Variants in RASA2 observed in about 807,000 individuals in gnomAD.
The protein encoded by RASA2 is ras GTPase-activating protein 2.
Under a neutral mutation model 118.2 loss-of-function variants are expected in RASA2, and 155 were observed. That is an observed-to-expected ratio of 1.31 (90% CI 1.15 to 1.50). The LOEUF (loss-of-function observed/expected upper bound fraction) is 1.50, where lower values mean the gene tolerates loss of function less well. Among genes scored for constraint, RASA2 ranks in the 40% most tolerant of loss-of-function variants. The pLI, the probability that RASA2 is intolerant of heterozygous loss-of-function variation, is 0.00. For synonymous variants in RASA2, 353 were observed against 349.1 expected (o/e 1.01, Z -0.12); for missense variants, 1,016 against 1,009.6 (o/e 1.01, Z -0.09).
chr3:141,568,341 A>G (rs1292888108), intron 9 of RASA2, among the ~76,000 whole-genome samples: 1 of 152,132 alleles, frequency 6.6e-6, no homozygotes, highest in African/African-American at 2.4e-5. Flanking sequence ...GAACTCATTT[A>G]TAAATGTGTA....
chr3:141,593,003 C>A (rs1392849426), intron 19 of RASA2, among the ~76,000 whole-genome samples: 1 of 151,980 alleles, frequency 6.6e-6, no homozygotes, highest in East Asian at 1.9e-4. Flanking sequence ...ATATATATAG[C>A]AATTCTCTGA....
At chr3:141,567,221 G>A (rs1213375855) in intron 9 of RASA2, among the ~76,000 whole-genome samples, 1 of 151,966 alleles carries the variant, frequency 6.6e-6, no homozygotes, top group African/African-American at 2.4e-5. Context: ...TTCAAGACCA[G>A]CCTGGCCAAC....
At chr3:141,536,858 C>T (rs1560016135) in intron 4 of RASA2, among the ~76,000 whole-genome samples, 1 of 151,632 alleles carries the variant, frequency 6.6e-6, no homozygotes, top group East Asian at 1.9e-4. Context: ...AGTGATTCTC[C>T]TGCCTCAGCC....
chr3:141,512,079 T>G, intron 1 of RASA2, 84 bp from the exon 2 acceptor site: 1 of 880,078 alleles, frequency 1.1e-6, no homozygotes, highest in Middle Eastern at 2.2e-4. Context: ...TAATATGTTC[T>G]TTCAGATTGA....
intron 19 of RASA2, among the ~76,000 whole-genome samples, chr3:141,590,556 C>T (rs2083272553): frequency 1.3e-5 from 2 of 152,206 alleles, no homozygotes; most frequent in Non-Finnish European, 2.9e-5. Flanking sequence ...AATACCTGGG[C>T]TTTGCATTCT....
chr3:141,567,890 G>A (rs140527863), intron 9 of RASA2, among the ~76,000 whole-genome samples: 2 of 152,272 alleles, frequency 1.3e-5, no homozygotes, highest in East Asian at 1.9e-4. Flanking sequence ...GAGAAGAATG[G>A]CAAAGAAAAT....
chr3:141,580,555 TACACACACAC>T (rs10663136), intron 16 of RASA2, 104 bp downstream of exon 16: 8 of 581,358 alleles, frequency 1.4e-5, no homozygotes, highest in South Asian at 2.5e-5. Flanking sequence ...AAACAAAACA[TACACACACAC>T]ACACACACAC....
chr3:141,549,688 T>TA (rs887634076), intron 5 of RASA2, among the ~76,000 whole-genome samples: 1 of 152,148 alleles, frequency 6.6e-6, no homozygotes, highest in Non-Finnish European at 1.5e-5. Flanking sequence ...TAATTAAATG[T>TA]AAAAAACCAC....
At chr3:141,600,477 G>A (rs1451768856) in intron 19 of RASA2, 4 of 332,858 alleles carry the variant, frequency 1.2e-5, no homozygotes, top group South Asian at 5.1e-5. Context: ...TAGACAGCTC[G>A]GCGACCTACT....
Position 141,487,207 on chromosome 3 carries a change from G to A in RASA2, c.124G>A (p.Gly42Ser). 2.1e-6 allele frequency: 3 copies of A among 1,436,736 alleles called. No homozygotes were observed. Among genetic ancestry groups the A allele is most frequent in the Non-Finnish European group, 2.8e-6 (3 of 1,083,106 alleles). 89.0% of individuals were successfully genotyped at this position (1,436,736 alleles called of 1,614,324 possible). A position where few individuals can be genotyped will look rare whatever the true frequency, so the allele number is the denominator to read the frequency against. The change falls in exon 1 of 24, where the codon GGC becomes AGC. Residue 42 changes from glycine to serine, a missense_variant. This residue lies in a region of RASA2 where 896 missense variants were observed against 836.4 expected (regional missense o/e 1.07). Coordinates refer to ENST00000286364, the MANE Select transcript of RASA2 (RefSeq NM_006506.5). ...REVRVLQSLR[G>S]KICEAKNLLP... Reference sequence around the variant, plus strand: ...GGTTCGAGTGTTGCAGAGCCTGCGGGGCAAGATCTGTAAGCGGGGGCTGGG... The same window carrying A: ...GGTTCGAGTGTTGCAGAGCCTGCGGAGCAAGATCTGTAAGCGGGGGCTGGG...
At chr3:141,533,273 C>T (rs1398092531) in intron 4 of RASA2, among the ~76,000 whole-genome samples, 1 of 152,092 alleles carries the variant, frequency 6.6e-6, no homozygotes, top group Non-Finnish European at 1.5e-5. Flanking sequence ...GTAAGGCAGT[C>T]CACTTTAGGG....
At position 141,560,925 on chromosome 3, in the gene RASA2, A is replaced by G. The variant is rs556181768; in HGVS notation, c.863+930A>G. Among the ~76,000 whole-genome samples, 22 of 152,262 alleles carry G rather than the reference A, an allele frequency of 1.4e-4. No homozygotes were observed. The South Asian group carries it at 3.7e-3, about 26-fold the overall frequency. On this transcript the variant is annotated intron_variant, in intron 9 of 23. Coordinates refer to ENST00000286364, the MANE Select transcript of RASA2 (RefSeq NM_006506.5). ...ATTGGCCATCAGACATCTTCATTTTAGAGTCTTGTCCTAGAGCAGTTATCA... is the reference window on the plus strand; with the variant it reads ...ATTGGCCATCAGACATCTTCATTTTGGAGTCTTGTCCTAGAGCAGTTATCA...
chr3:141,591,896 G>A (rs1441727459), intron 19 of RASA2, among the ~76,000 whole-genome samples: 1 of 148,650 alleles, frequency 6.7e-6, no homozygotes, highest in Non-Finnish European at 1.5e-5. Context: ...TTTTTTTTCT[G>A]ATAGCTAAAG....
In RASA2 at chr3:141,558,935, A is replaced by G; in HGVS notation, c.734A>G (p.Glu245Gly). The change falls in exon 8 of 24, where the codon GAG becomes GGG. Residue 245 changes from glutamate (E) to glycine (G), a missense_variant. By Grantham distance (98) the Glu-to-Gly change is moderately conservative. Transcript: ENST00000286364. Reference protein sequence around the residue: ...YTRKSQFQVEEEDIEKLEIRI... With the variant: ...YTRKSQFQVEGEDIEKLEIRI... Reference sequence around the variant, plus strand: ...AGAAAGTCCCAGTTCCAGGTAGAAGAGGAGGACATTGAAAAGCTAGAAATC... The same window carrying G: ...AGAAAGTCCCAGTTCCAGGTAGAAGGGGAGGACATTGAAAAGCTAGAAATC... The G allele has an allele frequency of 6.2e-7, 1 of 1,607,124 alleles. No individual in the cohort carries two copies. The highest frequency in any genetic ancestry group is 8.5e-7 in the Non-Finnish European group (1 of 1,174,300).
At chr3:141,607,577 A>C in intron 19 of RASA2, 101 bp from the exon 20 acceptor site, 17 of 1,208,480 alleles carry the variant, frequency 1.4e-5, no homozygotes, top group Non-Finnish European at 1.8e-5. Flanking sequence ...TTACACTCCT[A>C]CCATCAAGAG....
At chr3:141,596,775 A>G (rs2083379998) in intron 19 of RASA2, among the ~76,000 whole-genome samples, 1 of 152,246 alleles carries the variant, frequency 6.6e-6, no homozygotes, top group African/African-American at 2.4e-5. Flanking sequence ...AGTGTCTGTA[A>G]CAAATAAGAC....
chr3:141,522,760 T>C (rs971659024), intron 3 of RASA2, among the ~76,000 whole-genome samples: 4 of 152,156 alleles, frequency 2.6e-5, no homozygotes, highest in Admixed American at 1.3e-4. Flanking sequence ...CACTTCACGC[T>C]CAAGAAATTC....
intron 9 of RASA2, among the ~76,000 whole-genome samples, chr3:141,564,910 A>G (rs576246141): frequency 3.9e-5 from 6 of 152,304 alleles, no homozygotes; most frequent in African/African-American, 1.2e-4. Flanking sequence ...TTTCTTTTTC[A>G]TAAATTTAAT....
intron 9 of RASA2, among the ~76,000 whole-genome samples, chr3:141,566,005 T>C (rs1050694174): frequency 2.6e-5 from 4 of 152,244 alleles, no homozygotes; most frequent in African/African-American, 9.6e-5. Flanking sequence ...CTTTATCTTA[T>C]CTTTCTCAAA....
Sources: allele counts gnomAD v4.1 joint callset (sites outside exome capture counted in the v4.1 genomes callset), GRCh38; gene constraint gnomAD v4.1.1; regional missense constraint gnomAD v4.1.1; transcripts MANE v1.5; gene names NCBI Gene and HGNC (gene_info 2026-07-23, HGNC 2026-07-21).